NEGR1: variants seen among roughly 807,000 people sequenced by gnomAD.
The protein encoded by NEGR1 is IgLON family member 4.
Under a neutral mutation model 40.9 loss-of-function variants are expected in NEGR1, and 10 were observed. The ratio of observed to expected loss-of-function variants is 0.24; its 90% CI spans 0.15 to 0.42. NEGR1 has a LOEUF of 0.42. NEGR1 is among the 10% of genes least tolerant of loss of function. The probability of loss-of-function intolerance (pLI) is 1.00; values close to 1 mark genes in which losing one functional copy is unlikely to be tolerated. For missense variants in NEGR1, 352 were observed against 438.9 expected, an observed-to-expected ratio of 0.80 and a Z score of 1.77; for synonymous variants, 185 against 166.8, an observed-to-expected ratio of 1.11 and a Z score of -0.84.
At chr1:72,135,696 C>A (rs940617066) in intron 1 of NEGR1, among the ~76,000 whole-genome samples, 2 of 152,028 alleles carry the variant, frequency 1.3e-5, no homozygotes, top group African/African-American at 4.8e-5. Context: ...GAGAAAGGAC[C>A]CCAATATTTG....
chr1:72,047,602 A>C (rs1365183800), intron 1 of NEGR1, among the ~76,000 whole-genome samples: 3 of 151,480 alleles, frequency 2.0e-5, no homozygotes, highest in Non-Finnish European at 4.4e-5. Context: ...TGATTCAAAA[A>C]TAGATTTCAG....
At chr1:71,846,127 C>G (rs866105956) in intron 2 of NEGR1, among the ~76,000 whole-genome samples, 1 of 152,006 alleles carries the variant, frequency 6.6e-6, no homozygotes, top group Non-Finnish European at 1.5e-5. Context: ...TCCTGCCAAC[C>G]TGGAAGCCAG....
chr1:71,582,209 G>A (rs1220096462), intron 6 of NEGR1, among the ~76,000 whole-genome samples: 2 of 151,946 alleles, frequency 1.3e-5, no homozygotes, highest in African/African-American at 4.8e-5. Context: ...TTTGTGAGGA[G>A]GGTAGATAAT....
At chr1:72,213,025 G>A (rs1653667507) in intron 1 of NEGR1, among the ~76,000 whole-genome samples, 1 of 151,722 alleles carries the variant, frequency 6.6e-6, no homozygotes, top group Non-Finnish European at 1.5e-5. Context: ...AGCAGTGGAG[G>A]GAGGGTATTT....
chr1:72,193,136 C>T (rs1003091572), intron 1 of NEGR1, among the ~76,000 whole-genome samples: 13 of 151,772 alleles, frequency 8.6e-5, no homozygotes, highest in African/African-American at 3.1e-4. Context: ...ATAGAAAAAT[C>T]AATATAATTA....
At chr1:72,223,701 C>T (rs1654084534) in intron 1 of NEGR1, among the ~76,000 whole-genome samples, 1 of 152,148 alleles carries the variant, frequency 6.6e-6, no homozygotes, top group Non-Finnish European at 1.5e-5. Flanking sequence ...TACAATAATT[C>T]TGATAATCCT....
At chr1:71,510,768 C>G (rs1174795685) in intron 6 of NEGR1, among the ~76,000 whole-genome samples, 1 of 152,178 alleles carries the variant, frequency 6.6e-6, no homozygotes, top group Non-Finnish European at 1.5e-5. Context: ...TATCAGACAC[C>G]TGGTCTTGCA....
chr1:72,076,262 G>A (rs1384912969), intron 1 of NEGR1, among the ~76,000 whole-genome samples: 2 of 152,040 alleles, frequency 1.3e-5, no homozygotes, highest in African/African-American at 4.8e-5. Flanking sequence ...AGGAATTAGT[G>A]CCTCTATAAA....
At chr1:71,718,586 T>C (rs530111155) in intron 3 of NEGR1, among the ~76,000 whole-genome samples, 70 of 152,348 alleles carry the variant, frequency 4.6e-4, no homozygotes, top group Admixed American at 2.0e-3. Flanking sequence ...TATTGCCTTA[T>C]TTTATTGATT....
At chr1:71,655,813 A>G (rs1015852225) in intron 4 of NEGR1, among the ~76,000 whole-genome samples, 1 of 152,160 alleles carries the variant, frequency 6.6e-6, no homozygotes, top group African/African-American at 2.4e-5. Flanking sequence ...GAAAGGCATC[A>G]CAGAGGGAAA....
At chr1:72,213,643 A>T (rs1653691282) in intron 1 of NEGR1, among the ~76,000 whole-genome samples, 1 of 151,744 alleles carries the variant, frequency 6.6e-6, no homozygotes, top group Non-Finnish European at 1.5e-5. Flanking sequence ...AAGTCCCAAA[A>T]TATTGCTAGT....
At chr1:71,654,176 A>C (rs1651804921) in intron 4 of NEGR1, among the ~76,000 whole-genome samples, 1 of 152,166 alleles carries the variant, frequency 6.6e-6, no homozygotes, top group African/African-American at 2.4e-5. Context: ...AAAAGTAAGT[A>C]ACTGTCAGGG....
chr1:71,757,915 T>C (rs1326335988), intron 3 of NEGR1, among the ~76,000 whole-genome samples: 2 of 152,136 alleles, frequency 1.3e-5, no homozygotes, highest in Admixed American at 1.3e-4. Context: ...AAATGAAGTA[T>C]ATGGTAAATT....
rs541315659 is a variant in NEGR1, at chr1:72,252,025, A to C, written c.176+30294T>G. Among the ~76,000 whole-genome samples, 11 of 152,264 alleles carry C rather than the reference A, an allele frequency of 7.2e-5. No homozygotes were observed. In the East Asian group the frequency reaches 2.1e-3, roughly 29 times the overall value. On this transcript the variant is annotated intron_variant, in intron 1 of 6. Coordinates refer to ENST00000357731, the MANE Select transcript of NEGR1 (RefSeq NM_173808.3). ...CTATATAAGAGTACATTTCTTCATT[A>C]ATCAGATTTTATTTATTTTATTTGA...
intron 6 of NEGR1, among the ~76,000 whole-genome samples, chr1:71,561,583 C>A (rs1648460463): frequency 6.6e-6 from 1 of 151,648 alleles, no homozygotes; most frequent in African/African-American, 2.4e-5. Flanking sequence ...GAAAATAAAA[C>A]AGCTATTAAA....
chr1:71,992,800 A>T (rs969869997), intron 1 of NEGR1, among the ~76,000 whole-genome samples: 3 of 152,224 alleles, frequency 2.0e-5, no homozygotes, highest in African/African-American at 7.2e-5. Context: ...TCTGAGTTGC[A>T]GCTAGAAAAC....
intron 1 of NEGR1, among the ~76,000 whole-genome samples, chr1:72,249,335 C>A (rs949303396): frequency 1.3e-5 from 2 of 152,202 alleles, no homozygotes; most frequent in African/African-American, 4.8e-5. Flanking sequence ...CTACCCAGTT[C>A]ACGGTATTTT....
intron 2 of NEGR1, among the ~76,000 whole-genome samples, chr1:71,867,577 T>C (rs1288051537): frequency 6.6e-6 from 1 of 152,212 alleles, no homozygotes; most frequent in Non-Finnish European, 1.5e-5. Context: ...CTTTTGGTGT[T>C]TGAGAGACTG....
chr1:71,442,291 A>T (rs1466701851), intron 6 of NEGR1, among the ~76,000 whole-genome samples: 1 of 148,890 alleles, frequency 6.7e-6, no homozygotes, highest in Non-Finnish European at 1.5e-5. Flanking sequence ...TCAATGAACA[A>T]CATAGGAAAA....
Sources: gnomAD v4.1 joint callset for allele counts (sites outside exome capture counted in the v4.1 genomes callset) on GRCh38, gnomAD v4.1.1 for gene constraint, MANE v1.5 for transcripts, NCBI Gene and HGNC (gene_info 2026-07-23, HGNC 2026-07-21) for gene names.